The following IGSF21 variants were observed in gnomAD, a reference collection of about 807,000 sequenced individuals.
IGSF21 encodes the protein immunoglobin superfamily member 21.
A neutral mutation model predicts 46.8 loss-of-function variants in IGSF21; 28 were observed. That is an observed-to-expected ratio of 0.60 (90% CI 0.44 to 0.82). The LOEUF is 0.82. IGSF21 is among the 40% of genes least tolerant of loss of function. The probability of loss-of-function intolerance (pLI) is 0.00; values close to 1 mark genes in which losing one functional copy is unlikely to be tolerated. For synonymous variants in IGSF21, 284 were observed against 273.6 expected, an observed-to-expected ratio of 1.04 and a Z score of -0.38; for missense variants, 624 against 665.5, an observed-to-expected ratio of 0.94 and a Z score of 0.69.
Position 18,292,097 on chromosome 1 carries a change from G to C in IGSF21, c.305+110G>C, listed in dbSNP as rs2085273557. 7.6e-6 allele frequency: 9 copies of C among 1,186,418 alleles called. No individual in the cohort carries two copies. The South Asian group carries it at 1.1e-4, about 15-fold the overall frequency. The allele number at this position is 1,186,418 out of a possible 1,614,324, so 73.5% of individuals were successfully genotyped here. On this transcript the variant is annotated intron_variant, in intron 3 of 9. Coordinates refer to ENST00000251296, the MANE Select transcript of IGSF21 (RefSeq NM_032880.5). ...CACATCAATCCCTCGGTGCTCTTGG[G>C]CTTGGAAGGCAGAACTGGGGGCTCC...
chr1:18,346,405 C>T (rs1339608683), intron 4 of IGSF21, among the ~76,000 whole-genome samples: 1 of 151,954 alleles, frequency 6.6e-6, no homozygotes, highest in Admixed American at 6.6e-5. Flanking sequence ...CACGTTTGGG[C>T]GTAGAGGAAA....
intron 1 of IGSF21, among the ~76,000 whole-genome samples, chr1:18,208,279 G>A (rs1370611808): frequency 6.6e-6 from 1 of 150,412 alleles, no homozygotes; most frequent in African/African-American, 2.4e-5. Flanking sequence ...CCCTGGGAAG[G>A]AATGTGCTGG....
At chr1:18,338,806 T>C (rs994712654) in intron 4 of IGSF21, among the ~76,000 whole-genome samples, 2 of 151,994 alleles carry the variant, frequency 1.3e-5, no homozygotes, top group Non-Finnish European at 2.9e-5. Flanking sequence ...AGATAAATTG[T>C]AAGCCAATTT....
chr1:18,264,342 G>A (rs1413924824), intron 2 of IGSF21, among the ~76,000 whole-genome samples: 1 of 152,138 alleles, frequency 6.6e-6, no homozygotes, highest in Non-Finnish European at 1.5e-5. Context: ...TAATATATCT[G>A]AGGCATATAG....
chr1:18,176,845 C>T (rs1043910569), intron 1 of IGSF21, among the ~76,000 whole-genome samples: 6 of 152,162 alleles, frequency 3.9e-5, no homozygotes, highest in African/African-American at 1.4e-4. Flanking sequence ...TGGGGGCTAC[C>T]CTGGGGCTTT....
chr1:18,229,317 A>G (rs2084600840), intron 2 of IGSF21, among the ~76,000 whole-genome samples: 1 of 152,206 alleles, frequency 6.6e-6, no homozygotes, highest in African/African-American at 2.4e-5. Context: ...ATCTACACAC[A>G]GAGCATGGAA....
intron 4 of IGSF21, among the ~76,000 whole-genome samples, chr1:18,354,155 T>C (rs191109571): frequency 1.3e-5 from 2 of 152,242 alleles, no homozygotes; most frequent in East Asian, 3.9e-4. Context: ...TGGAAAAACC[T>C]GGGAAGGCTG....
At chr1:18,342,376 G>A (rs851447) in intron 4 of IGSF21, among the ~76,000 whole-genome samples, 48,426 of 151,848 alleles carry the variant, frequency 0.32, 7,693 homozygotes, top group South Asian at 0.43. Flanking sequence ...TTACAGGCAT[G>A]AGCCACCAAG....
At chr1:18,273,508 C>A (rs1569692893) in intron 2 of IGSF21, among the ~76,000 whole-genome samples, 1 of 64,330 alleles carries the variant, frequency 1.6e-5, no homozygotes, top group South Asian at 6.8e-4. Flanking sequence ...TTCTTTCTTT[C>A]TTTCTTTCTT....
chr1:18,341,728 A>G (rs1327670761), intron 4 of IGSF21, among the ~76,000 whole-genome samples: 1 of 152,222 alleles, frequency 6.6e-6, no homozygotes, highest in African/African-American at 2.4e-5. Flanking sequence ...GCATGTTAAC[A>G]TCTCTGCTCC....
intron 2 of IGSF21, among the ~76,000 whole-genome samples, chr1:18,248,132 A>G (rs1453487010): frequency 6.6e-6 from 1 of 152,168 alleles, no homozygotes; most frequent in Non-Finnish European, 1.5e-5. Context: ...AACACCACCA[A>G]AGGAGATGCA....
At chr1:18,234,626 C>T (rs1311110546) in intron 2 of IGSF21, among the ~76,000 whole-genome samples, 1 of 152,112 alleles carries the variant, frequency 6.6e-6, no homozygotes, top group East Asian at 1.9e-4. Context: ...CGTCCTTCTT[C>T]ACATGGTGGC....
At chr1:18,192,400 C>G (rs1240654742) in intron 1 of IGSF21, among the ~76,000 whole-genome samples, 2 of 152,198 alleles carry the variant, frequency 1.3e-5, no homozygotes, top group Non-Finnish European at 2.9e-5. Flanking sequence ...GGGAATAAGA[C>G]CTGCTTCATA....
Position 18,136,225 on chromosome 1 carries a change from G to A in IGSF21, c.70+28027G>A, listed in dbSNP as rs546005389. Among the ~76,000 whole-genome samples the A allele has an allele frequency of 2.6e-5, 4 of 152,212 alleles. No individual in the cohort carries two copies. The South Asian group carries it at 8.3e-4, about 32-fold the overall frequency. On this transcript the variant is annotated intron_variant, in intron 1 of 9. Coordinates refer to ENST00000251296, the MANE Select transcript of IGSF21 (RefSeq NM_032880.5). ...CTGTAGATTGCCTGTTCACTCTGAT[G>A]GTGGTTTCTTTTGCTGTGCAGAAGC...
At chr1:18,150,898 C>T (rs922096492) in intron 1 of IGSF21, among the ~76,000 whole-genome samples, 1 of 152,214 alleles carries the variant, frequency 6.6e-6, no homozygotes, top group African/African-American at 2.4e-5. Flanking sequence ...TGGGGCGGCC[C>T]TAGCCCCAAA....
intron 2 of IGSF21, among the ~76,000 whole-genome samples, chr1:18,278,534 TGTTTG>T (rs1048755497): frequency 8.8e-6 from 1 of 113,066 alleles, no homozygotes; most frequent in African/African-American, 4.9e-5. Context: ...AGGTTTTTTT[TGTTTG>T]TTTGTTTGTT....
At chr1:18,364,790 A>G (rs953218058) in intron 5 of IGSF21, among the ~76,000 whole-genome samples, 7 of 151,448 alleles carry the variant, frequency 4.6e-5, no homozygotes, top group Non-Finnish European at 8.8e-5. Flanking sequence ...GGTGCCTTCC[A>G]TTTTTCCCTC....
chr1:18,367,603 CTTTTTTTTTT>C (rs35019096), intron 6 of IGSF21, among the ~76,000 whole-genome samples: 4 of 73,962 alleles, frequency 5.4e-5, no homozygotes, highest in African/African-American at 2.0e-4. Flanking sequence ...CTCTCTCTCT[CTTTTTTTTTT>C]TTTTTTTTTT....
At chr1:18,370,139 T>G (rs543266132) in intron 6 of IGSF21, among the ~76,000 whole-genome samples, 1 of 152,082 alleles carries the variant, frequency 6.6e-6, no homozygotes, top group African/African-American at 2.4e-5. Context: ...GTTATTAGAG[T>G]AGCCTTCAAA....
Sources: allele counts gnomAD v4.1 joint callset (sites outside exome capture counted in the v4.1 genomes callset), GRCh38; gene constraint gnomAD v4.1.1; transcripts MANE v1.5; gene names NCBI Gene and HGNC (gene_info 2026-07-23, HGNC 2026-07-21).